Variants in GRID2 observed in about 807,000 individuals in gnomAD.
The protein encoded by GRID2 is glutamate receptor ionotropic, delta-2.
A neutral mutation model predicts 114.8 loss-of-function variants in GRID2; 33 were observed. That is an observed-to-expected ratio of 0.29 (90% CI 0.22 to 0.38). The LOEUF (loss-of-function observed/expected upper bound fraction) is 0.38, where lower values mean the gene tolerates loss of function less well. Ranked by LOEUF, GRID2 falls within the 10% of genes least tolerant of loss-of-function variation. The pLI is 1.00. For missense variants in GRID2, 1,184 were observed against 1,257.7 expected, an observed-to-expected ratio of 0.94 and a Z score of 0.89; for synonymous variants, 505 against 449.9, an observed-to-expected ratio of 1.12 and a Z score of -1.55.
chr4:92,756,683 G>T lies in GRID2; in HGVS notation c.244+166397G>T, dbSNP rs571693247. ...TTGGTTTTGATGAGATTTTATTTTG[G>T]GTCTGATTTTCATTTCCCTGACTCT... On this transcript the variant is annotated intron_variant, in intron 2 of 15. Transcript: ENST00000282020. Among the ~76,000 whole-genome samples, 13 of 151,762 alleles carry T rather than the reference G, an allele frequency of 8.6e-5. No homozygotes were observed. In the South Asian group the frequency reaches 2.7e-3, roughly 32 times the overall value.
At chr4:92,736,442 T>C (rs922970103) in intron 2 of GRID2, among the ~76,000 whole-genome samples, 1 of 152,146 alleles carries the variant, frequency 6.6e-6, no homozygotes, top group Non-Finnish European at 1.5e-5. Context: ...AAATTTGTTA[T>C]AGCACAGTAG....
At chr4:92,767,594 T>C (rs571603731) in intron 2 of GRID2, among the ~76,000 whole-genome samples, 2 of 151,972 alleles carry the variant, frequency 1.3e-5, no homozygotes, top group African/African-American at 4.8e-5. Context: ...CAACTAAAAA[T>C]ACAAAAACTA....
At chr4:92,330,130 A>T (rs1231135985) in intron 1 of GRID2, among the ~76,000 whole-genome samples, 1 of 152,078 alleles carries the variant, frequency 6.6e-6, no homozygotes, top group South Asian at 2.1e-4. Context: ...AAAACATAAC[A>T]TTATTTAATC....
intron 9 of GRID2, among the ~76,000 whole-genome samples, chr4:93,421,808 A>G (rs555460647): frequency 1.2e-4 from 18 of 151,792 alleles, no homozygotes; most frequent in African/African-American, 4.4e-4. Context: ...TGAAAGCATT[A>G]TGAAGGCTAT....
At chr4:92,510,038 G>A (rs915981638) in intron 1 of GRID2, among the ~76,000 whole-genome samples, 5 of 151,844 alleles carry the variant, frequency 3.3e-5, no homozygotes, top group Admixed American at 6.6e-5. Flanking sequence ...TGGATACTGC[G>A]TTAATAAGAG....
chr4:93,334,555 T>C (rs1415327176), intron 8 of GRID2, among the ~76,000 whole-genome samples: 1 of 152,218 alleles, frequency 6.6e-6, no homozygotes, highest in Non-Finnish European at 1.5e-5. Flanking sequence ...AAGGATCTGG[T>C]GGTTATATTG....
intron 2 of GRID2, among the ~76,000 whole-genome samples, chr4:92,857,254 A>G (rs551209616): frequency 1.3e-4 from 20 of 152,302 alleles, no homozygotes; most frequent in African/African-American, 4.3e-4. Flanking sequence ...TACATCTCTC[A>G]CTTTTAATCA....
chr4:93,216,966 A>G (rs1744299637), intron 6 of GRID2, 55 bp downstream of exon 6: 1 of 1,225,076 alleles, frequency 8.2e-7, no homozygotes, highest in Non-Finnish European at 1.2e-6. Context: ...GGCAATTGCA[A>G]GGAGAGCTTT....
chr4:93,781,343 A>AGGGGCTGCGGTGAGGCCCG (rs1310725981), intron 1 of GRID2, among the ~76,000 whole-genome samples: 1 of 151,276 alleles, frequency 6.6e-6, no homozygotes, highest in Admixed American at 6.6e-5. Context: ...GGTGAGGCCC[A>AGGGGCTGCGGTGAGGCCCG]CTGGGCTGCG....
At chr4:92,627,538 C>A (rs1730582879) in intron 2 of GRID2, among the ~76,000 whole-genome samples, 1 of 152,054 alleles carries the variant, frequency 6.6e-6, no homozygotes, top group African/African-American at 2.4e-5. Flanking sequence ...TTGATTCTCA[C>A]AGAATGCTTT....
At chr4:92,761,819 G>A (rs1054522338) in intron 2 of GRID2, among the ~76,000 whole-genome samples, 5 of 152,080 alleles carry the variant, frequency 3.3e-5, no homozygotes, top group African/African-American at 1.2e-4. Flanking sequence ...CTCAGCCAAG[G>A]GTTCTAAGCA....
rs745392261 is a variant in GRID2 at position 92,794,905 on chromosome 4, T to TATATATAC, written c.244+204620_244+204621insTATATACA. Among the ~76,000 whole-genome samples the TATATATAC allele has an allele frequency of 4.7e-3, 604 of 127,680 alleles. 2 individuals are homozygous for TATATATAC. The highest frequency in any genetic ancestry group is 7.1e-3 in the Non-Finnish European group (434 of 61,426). The allele number at this position is 127,680 out of a possible 152,430, so 83.8% of individuals were successfully genotyped here. On this transcript the variant is annotated intron_variant, in intron 2 of 15. Coordinates refer to ENST00000282020, the MANE Select transcript of GRID2 (RefSeq NM_001510.4). Reference sequence around the variant, plus strand: ...ATATATATATATATATATATATATATACACACACACACACACACACATATC... The same window carrying TATATATAC: ...ATATATATATATATATATATATATATATATATACACACACACACACACACACACATATC...
At chr4:92,400,510 G>T (rs1398195822) in intron 1 of GRID2, among the ~76,000 whole-genome samples, 1 of 152,078 alleles carries the variant, frequency 6.6e-6, no homozygotes, top group Non-Finnish European at 1.5e-5. Context: ...CTCATCAAGT[G>T]TTGGGCATTT....
chr4:92,503,001 A>G (rs1723764901), intron 1 of GRID2, among the ~76,000 whole-genome samples: 1 of 151,854 alleles, frequency 6.6e-6, no homozygotes, highest in South Asian at 2.1e-4. Context: ...CAGACATGCC[A>G]TATGATTTTC....
At chr4:92,893,179 A>G (rs1188977806) in intron 2 of GRID2, among the ~76,000 whole-genome samples, 3 of 152,114 alleles carry the variant, frequency 2.0e-5, no homozygotes, top group African/African-American at 4.8e-5. Context: ...TTTTCTGAGT[A>G]TAGTGCCTAC....
chr4:93,236,424 G>A (rs1197715478), intron 7 of GRID2, among the ~76,000 whole-genome samples: 1 of 151,882 alleles, frequency 6.6e-6, no homozygotes, highest in Non-Finnish European at 1.5e-5. Context: ...CTCACCACAG[G>A]GAGGATTTAC....
chr4:92,465,278 TA>T (rs11424200), intron 1 of GRID2, among the ~76,000 whole-genome samples: 23 of 148,870 alleles, frequency 1.5e-4, no homozygotes, highest in Admixed American at 2.7e-4. Context: ...AGAGTGAGAT[TA>T]AAAAAAAAAA....
At chr4:92,439,510 T>A (rs1462617467) in intron 1 of GRID2, among the ~76,000 whole-genome samples, 1 of 151,894 alleles carries the variant, frequency 6.6e-6, no homozygotes, top group East Asian at 1.9e-4. Context: ...GGGCGATGTT[T>A]CTCAGGGCTG....
chr4:92,922,490 C>A (rs1003517329), intron 2 of GRID2, among the ~76,000 whole-genome samples: 3 of 152,044 alleles, frequency 2.0e-5, no homozygotes, highest in African/African-American at 7.2e-5. Flanking sequence ...CTCTCCACCC[C>A]CCCAGAAACT....
Sources: gnomAD v4.1 joint callset for allele counts (sites outside exome capture counted in the v4.1 genomes callset) on GRCh38, gnomAD v4.1.1 for gene constraint, MANE v1.5 for transcripts, NCBI Gene and HGNC (gene_info 2026-07-23, HGNC 2026-07-21) for gene names.